TBC1D25: variants seen among roughly 807,000 people sequenced by gnomAD.
TBC1D25 encodes the protein 5SN3 snoRNA.
Under a neutral mutation model 38.8 loss-of-function variants are expected in TBC1D25, and 13 were observed. The ratio of observed to expected loss-of-function variants is 0.34; its 90% confidence interval spans 0.22 to 0.53. TBC1D25 has a LOEUF of 0.53. Ranked by LOEUF, TBC1D25 falls within the 20% of genes least tolerant of loss-of-function variation. The pLI, the probability that TBC1D25 is intolerant of heterozygous loss-of-function variation, is 0.94. For missense variants in TBC1D25, 372 were observed against 600.0 expected, an observed-to-expected ratio of 0.62 and a Z score of 3.97; for synonymous variants, 225 against 255.6, an observed-to-expected ratio of 0.88 and a Z score of 1.14.
At chrX:48,554,324 C>T (rs904932395) in intron 3 of TBC1D25, among the ~76,000 whole-genome samples, 17 of 110,510 alleles carry the variant, frequency 1.5e-4, no homozygotes, top group Non-Finnish European at 2.5e-4. Flanking sequence ...CTGAGGCAGG[C>T]GGATCACTTG....
At chrX:48,555,099 G>A (rs892098083) in intron 3 of TBC1D25, among the ~76,000 whole-genome samples, 6 of 111,259 alleles carry the variant, frequency 5.4e-5, no homozygotes, top group Non-Finnish European at 1.1e-4. Context: ...AGGACTTGGC[G>A]GTGGTTTGGA....
chrX:48,540,564 C>T (rs1556979932), intron 1 of TBC1D25, among the ~76,000 whole-genome samples: 2 of 111,541 alleles, frequency 1.8e-5, no homozygotes, highest in Non-Finnish European at 3.8e-5. Context: ...CTGGCATGTT[C>T]CCGTAGGTTC....
intron 3 of TBC1D25, among the ~76,000 whole-genome samples, chrX:48,547,037 G>T (rs2061892293): frequency 8.9e-6 from 1 of 112,065 alleles, no homozygotes; most frequent in South Asian, 3.7e-4. Context: ...CTAATGTGTA[G>T]TGAACACTTA....
intron 5 of TBC1D25, 80 bp from the exon 6 acceptor site, chrX:48,559,534 G>A (rs782459048): frequency 1.2e-5 from 14 of 1,140,162 alleles, no homozygotes; most frequent in Middle Eastern, 3.0e-4. Flanking sequence ...CCCAAGGGGG[G>A]TGGGTGGGTG....
intron 3 of TBC1D25, among the ~76,000 whole-genome samples, chrX:48,555,333 T>TC (rs1556984247): frequency 9.0e-6 from 1 of 111,036 alleles, no homozygotes; most frequent in Non-Finnish European, 1.9e-5. Flanking sequence ...TAGGGTTTGT[T>TC]CCCCCCCTCA....
At chrX:48,557,461 T>G (rs1881601021) in intron 3 of TBC1D25, among the ~76,000 whole-genome samples, 1 of 110,252 alleles carries the variant, frequency 9.1e-6, no homozygotes, top group Admixed American at 9.8e-5. Flanking sequence ...CTGACCAACA[T>G]GGAGACACCC....
chrX:48,560,768 C>T lies in TBC1D25; in HGVS notation c.1860C>T (p.Phe620=), dbSNP rs1397884480. ...EFGRGNPFML[F]LCLAILLEHR... Reference sequence around the variant, plus strand: ...GCCGGGGGAACCCATTCATGCTGTTCCTCTGCCTGGCCATCCTGCTGGAGC... The same window carrying T: ...GCCGGGGGAACCCATTCATGCTGTTTCTCTGCCTGGCCATCCTGCTGGAGC... Residue 620 remains phenylalanine (F), a synonymous_variant, in exon 6 of 6, where the codon TTC becomes TTT. Coordinates refer to ENST00000376771, the MANE Select transcript of TBC1D25 (RefSeq NM_002536.4). 1.7e-6 allele frequency: 2 copies of T among 1,211,656 alleles called. No homozygotes were observed. Among genetic ancestry groups the T allele is most frequent in the Non-Finnish European group, 2.2e-6 (2 of 895,109 alleles).
At position 48,560,118 on chromosome X, in the gene TBC1D25, T is replaced by G; in HGVS notation, c.1210T>G (p.Phe404Val). 1 of 1,210,035 alleles carries G rather than the reference T, an allele frequency of 8.3e-7. No homozygotes were observed. The highest frequency in any genetic ancestry group is 1.1e-6 in the Non-Finnish European group (1 of 894,573). The part of the protein sequence containing the change: ...YLQEAGADDL[F>V]FCYRWLLLEL... ...GCAAGAGGCAGGCGCTGATGACCTCTTCTTCTGTTACCGCTGGCTGCTGCT... is the reference window on the plus strand; with the variant it reads ...GCAAGAGGCAGGCGCTGATGACCTCGTCTTCTGTTACCGCTGGCTGCTGCT... Residue 404 changes from phenylalanine to valine, a missense_variant, in exon 6 of 6, where the codon TTC becomes GTC. By Grantham distance (50) the Phe-to-Val change is conservative. Coordinates refer to ENST00000376771, the MANE Select transcript of TBC1D25 (RefSeq NM_002536.4).
intron 5 of TBC1D25, 90 bp downstream of exon 5, chrX:48,559,436 C>T: frequency 1.8e-6 from 2 of 1,105,364 alleles, no homozygotes; most frequent in South Asian, 4.3e-5. Flanking sequence ...CTGCTGTGGG[C>T]AAGGGTGGAG....
Position 48,545,015 on chromosome X carries a change from C to T in TBC1D25, c.380C>T (p.Ser127Leu). The T allele has an allele frequency of 8.3e-7, 1 of 1,208,927 alleles. No individual in the cohort carries two copies. The highest frequency in any genetic ancestry group is 1.1e-6 in the Non-Finnish European group (1 of 894,669). ...CAATTGCGTGTAGATATTCGGCCCT[C>T]GGAGGACAGTGAGTACTCAGTGCCC... ...YLQLRVDIRP[S>L]EDSPLLEDWD... Residue 127 changes from serine to leucine, a missense_variant, in exon 3 of 6, where the codon TCG becomes TTG. Ser to Leu is a moderately radical substitution (Grantham distance 145, BLOSUM62 -2). Coordinates refer to ENST00000376771, the MANE Select transcript of TBC1D25 (RefSeq NM_002536.4).
intron 3 of TBC1D25, 135 bp from the exon 4 acceptor site, chrX:48,558,762 G>T: frequency 1.2e-6 from 1 of 830,590 alleles, no homozygotes; most frequent in Non-Finnish European, 1.7e-6. Context: ...TACATGATTT[G>T]GATGATACAG....
rs1556986499 is a variant in TBC1D25, at chrX:48,561,580, T to C, written c.*605T>C. The stretch of plus-strand genomic sequence containing the variant: ...GGGAAGTATGGGCTACTTAGAAACG[T>C]TGGAGCAGCCACCCCTGGCATTCCA... On this transcript the variant is annotated 3_prime_UTR_variant, in exon 6 of 6. Transcript: ENST00000376771. The C allele has an allele frequency of 8.9e-6, 1 of 112,357 alleles. No individual in the cohort carries two copies. Among genetic ancestry groups the C allele is most frequent in the African/African-American group, 3.2e-5 (1 of 30,968 alleles). The allele number at this position is 112,357 out of a possible 1,213,427, so 9.3% of individuals were successfully genotyped here. A position where few individuals can be genotyped will look rare whatever the true frequency, so the allele number is the denominator to read the frequency against.
intron 3 of TBC1D25, among the ~76,000 whole-genome samples, chrX:48,554,393 T>C (rs1556984099): frequency 9.2e-6 from 1 of 108,238 alleles, no homozygotes; most frequent in African/African-American, 3.4e-5. Flanking sequence ...TTACTAAAAA[T>C]ACAAAAATTA....
chrX:48,554,275 C>T (rs1233300458), intron 3 of TBC1D25, among the ~76,000 whole-genome samples: 32 of 108,442 alleles, frequency 3.0e-4, no homozygotes, highest in African/African-American at 9.4e-4. Context: ...TCGGGCTGGG[C>T]GCAGTGGCTC....
At position 48,561,298 on chromosome X, in the gene TBC1D25, G is replaced by A. The variant is rs1279975283; in HGVS notation, c.*323G>A. 1.8e-5 allele frequency: 4 copies of A among 217,180 alleles called. No homozygotes were observed. The highest frequency in any genetic ancestry group is 1.2e-4 in the African/African-American group (4 of 34,617). The allele number at this position is 217,180 out of a possible 1,213,427, so 17.9% of individuals were successfully genotyped here. A position where few individuals can be genotyped will look rare whatever the true frequency, so the allele number is the denominator to read the frequency against. On this transcript the variant is annotated 3_prime_UTR_variant, in exon 6 of 6. Coordinates refer to ENST00000376771, the MANE Select transcript of TBC1D25 (RefSeq NM_002536.4). Reference sequence around the variant, plus strand: ...CCTCAGGGGCCCTTTACCTGATGGAGGGGAAATACTTCACTTGGTGGAGAG... The same window carrying A: ...CCTCAGGGGCCCTTTACCTGATGGAAGGGAAATACTTCACTTGGTGGAGAG...
chrX:48,562,339 T>C lies in TBC1D25; in HGVS notation c.*1364T>C, dbSNP rs1169683905. The C allele has an allele frequency of 5.4e-5, 6 of 111,979 alleles. No homozygotes were observed. The highest frequency in any genetic ancestry group is 1.9e-4 in the African/African-American group (6 of 30,820). 9.2% of individuals were successfully genotyped at this position (111,979 alleles called of 1,213,427 possible). ...TCCCTTCTGCTGTTTGCCCCAAGAA[T>C]GCCATACAAACCTGGGGATGACCCT... is the stretch of plus-strand genomic sequence containing the variant. On this transcript the variant is annotated 3_prime_UTR_variant, in exon 6 of 6. Coordinates refer to ENST00000376771, the MANE Select transcript of TBC1D25 (RefSeq NM_002536.4).
chrX:48,547,934 T>C (rs2061900293), intron 3 of TBC1D25, among the ~76,000 whole-genome samples: 2 of 81,105 alleles, frequency 2.5e-5, no homozygotes, highest in African/African-American at 4.8e-5. Context: ...CTAGACTCCA[T>C]CTCAAAAAAA....
intron 3 of TBC1D25, among the ~76,000 whole-genome samples, chrX:48,553,701 C>G (rs2061954061): frequency 1.0e-5 from 1 of 98,754 alleles, no homozygotes; most frequent in Admixed American, 1.2e-4. Context: ...ACTGCAACCT[C>G]TGCTTCCCAG....
intron 3 of TBC1D25, among the ~76,000 whole-genome samples, chrX:48,550,724 A>G (rs1373168388): frequency 2.8e-5 from 3 of 108,774 alleles, no homozygotes; most frequent in African/African-American, 6.7e-5. Context: ...CAGTGGCACA[A>G]TCTTGGCTCA....
Sources: allele counts gnomAD v4.1 joint callset (sites outside exome capture counted in the v4.1 genomes callset), GRCh38; gene constraint gnomAD v4.1.1; transcripts MANE v1.5; gene names NCBI Gene and HGNC (gene_info 2026-07-23, HGNC 2026-07-21).